RGS6: variants seen among roughly 807,000 people sequenced by gnomAD.
The protein encoded by RGS6 is regulator of G-protein signaling 6.
RGS6 carries 30 observed loss-of-function variants against 78.5 expected under a neutral mutation model. That is an observed-to-expected ratio of 0.38 (90% CI 0.29 to 0.52). The LOEUF (loss-of-function observed/expected upper bound fraction) is 0.52, where lower values mean the gene tolerates loss of function less well. RGS6 is among the 20% of genes least tolerant of loss of function. The pLI is 0.85. For synonymous variants in RGS6, 206 were observed against 206.0 expected (o/e 1.00, Z 0.00); for missense variants, 495 against 609.7 (o/e 0.81, Z 1.98).
At chr14:72,209,018 A>C (rs2043375290) in intron 2 of RGS6, among the ~76,000 whole-genome samples, 1 of 152,162 alleles carries the variant, frequency 6.6e-6, no homozygotes, top group South Asian at 2.1e-4. Context: ...TTGGGAGGCT[A>C]AGGCAGGTGG....
At chr14:71,954,752 A>C (rs1566902505) in intron 1 of RGS6, among the ~76,000 whole-genome samples, 1 of 152,114 alleles carries the variant, frequency 6.6e-6, no homozygotes, top group Non-Finnish European at 1.5e-5. Context: ...GATTTTTAGC[A>C]TTTCCTTTTC....
chr14:72,186,199 C>G (rs756633946), intron 2 of RGS6, among the ~76,000 whole-genome samples: 24 of 152,178 alleles, frequency 1.6e-4, no homozygotes, highest in Admixed American at 3.3e-4. Flanking sequence ...CAGCTGATCC[C>G]ATTTCTCTCT....
intron 17 of RGS6, among the ~76,000 whole-genome samples, chr14:72,548,681 C>T (rs1469524726): frequency 1.3e-5 from 2 of 152,130 alleles, no homozygotes; most frequent in Admixed American, 6.5e-5. Context: ...CTGGAAGCCA[C>T]GTCGGAAGAG....
chr14:72,606,825 A>C, the RGS6 span, among the ~76,000 whole-genome samples: 6 of 152,034 alleles, frequency 3.9e-5, no homozygotes, highest in Non-Finnish European at 8.8e-5. Flanking sequence ...CTATTGGTTC[A>C]CACTAGAACT....
intron 16 of RGS6, among the ~76,000 whole-genome samples, chr14:72,539,729 T>A (rs1418779117): frequency 6.6e-6 from 1 of 152,132 alleles, no homozygotes; most frequent in Admixed American, 6.5e-5. Flanking sequence ...CCGACTGTGG[T>A]CCTGCAGCAA....
chr14:72,478,896 C>G (rs1056241384), intron 12 of RGS6, among the ~76,000 whole-genome samples: 2 of 152,226 alleles, frequency 1.3e-5, no homozygotes, highest in Admixed American at 6.5e-5. Flanking sequence ...ACTCCGTTAA[C>G]TCATGGGAGA....
chr14:72,299,292 T>G (rs959743531), intron 2 of RGS6, among the ~76,000 whole-genome samples: 2 of 152,194 alleles, frequency 1.3e-5, no homozygotes, highest in Admixed American at 6.5e-5. Context: ...TACCCAGCCT[T>G]AGGCTACCAC....
chr14:72,593,128 AAGGACTCCTAAGGACCC>A, the RGS6 span, among the ~76,000 whole-genome samples: 1 of 152,182 alleles, frequency 6.6e-6, no homozygotes, highest in Non-Finnish European at 1.5e-5. Context: ...GGACAGAAGG[AAGGACTCCTAAGGACCC>A]ACAACCATGC....
rs544137732 is a variant in RGS6 at position 72,428,180 on chromosome 14, A to G, written c.185-26348A>G. On this transcript the variant is annotated intron_variant, in intron 3 of 17. Transcript: ENST00000553525. Reference sequence around the variant, plus strand: ...CTGATTAAGGAAAGAAGAAGCTCAAAGCAATATAGAGATGAGACAGAGAAA... The same window carrying G: ...CTGATTAAGGAAAGAAGAAGCTCAAGGCAATATAGAGATGAGACAGAGAAA... Among the ~76,000 whole-genome samples, 11 of 152,338 alleles carry G rather than the reference A, an allele frequency of 7.2e-5. No homozygotes were observed. The East Asian group carries it at 2.1e-3, about 29-fold the overall frequency.
At chr14:72,540,816 C>T (rs2097315460) in intron 17 of RGS6, 2 of 985,386 alleles carry the variant, frequency 2.0e-6, no homozygotes, top group Non-Finnish European at 2.4e-6. Context: ...TAAAGATGGG[C>T]TTCAGATTCC....
the RGS6 span, among the ~76,000 whole-genome samples, chr14:72,582,969 A>C: frequency 0.027 from 4,095 of 151,054 alleles, 180 homozygotes; most frequent in African/African-American, 0.094. Context: ...AATTGCCCTT[A>C]CTTTTTATGG....
intron 2 of RGS6, among the ~76,000 whole-genome samples, chr14:72,341,871 A>C (rs2077074050): frequency 6.6e-6 from 1 of 151,972 alleles, no homozygotes; most frequent in African/African-American, 2.4e-5. Context: ...CCTAGAGTCC[A>C]GGGTGTCCTT....
chr14:72,041,791 T>G (rs927429742), intron 2 of RGS6, among the ~76,000 whole-genome samples: 1 of 152,086 alleles, frequency 6.6e-6, no homozygotes, highest in Non-Finnish European at 1.5e-5. Flanking sequence ...GGTAAGTCTG[T>G]GGGGGGTGGG....
At chr14:72,090,203 T>G (rs2095220260) in intron 2 of RGS6, among the ~76,000 whole-genome samples, 1 of 152,104 alleles carries the variant, frequency 6.6e-6, no homozygotes, top group Admixed American at 6.5e-5. Flanking sequence ...GTAGTTCTTT[T>G]GTAATATGGG....
chr14:72,464,369 C>T lies in RGS6; in HGVS notation c.395-1389C>T, dbSNP rs532168272. Among the ~76,000 whole-genome samples, 4 of 152,266 alleles carry T rather than the reference C, an allele frequency of 2.6e-5. No individual in the cohort carries two copies. The South Asian group carries it at 8.3e-4, about 32-fold the overall frequency. The stretch of plus-strand genomic sequence containing the variant: ...AAATAACAGATGTGCCTGATATAAG[C>T]AGATTTGGGAACAACCACAACTGAC... On this transcript the variant is annotated intron_variant, in intron 6 of 17. Transcript: ENST00000553525.
At chr14:72,033,382 AG>A (rs1440084005) in intron 2 of RGS6, among the ~76,000 whole-genome samples, 1 of 151,964 alleles carries the variant, frequency 6.6e-6, no homozygotes, top group Non-Finnish European at 1.5e-5. Context: ...TACAGGCATG[AG>A]CCACCATGTC....
At chr14:72,233,760 G>A (rs1430942117) in intron 2 of RGS6, among the ~76,000 whole-genome samples, 3 of 152,136 alleles carry the variant, frequency 2.0e-5, no homozygotes, top group Non-Finnish European at 2.9e-5. Context: ...AGGCTCACTG[G>A]GCCAGACCGG....
intron 13 of RGS6, among the ~76,000 whole-genome samples, chr14:72,505,804 A>G (rs892024890): frequency 2.6e-5 from 4 of 152,232 alleles, no homozygotes; most frequent in Admixed American, 6.5e-5. Flanking sequence ...AGGGCACTGT[A>G]AGGAAAGCTC....
At chr14:72,444,793 G>A (rs2095317502) in intron 3 of RGS6, among the ~76,000 whole-genome samples, 1 of 152,300 alleles carries the variant, frequency 6.6e-6, no homozygotes, top group African/African-American at 2.4e-5. Context: ...CCTGGTTTAG[G>A]AGTGCATATG....
Sources: allele counts gnomAD v4.1 joint callset (sites outside exome capture counted in the v4.1 genomes callset), GRCh38; gene constraint gnomAD v4.1.1; transcripts MANE v1.5; gene names NCBI Gene and HGNC (gene_info 2026-07-23, HGNC 2026-07-21).